The following PRDM16 variants were observed in gnomAD, a reference collection of about 807,000 sequenced individuals.
The protein encoded by PRDM16 is histone-lysine N-methyltransferase PRDM16.
A neutral mutation model predicts 110.6 loss-of-function variants in PRDM16; 23 were observed. The observed-to-expected ratio is 0.21, with a 90% CI of 0.15 to 0.29. PRDM16 has a LOEUF of 0.29. PRDM16 is among the 10% of genes least tolerant of loss of function. The probability of loss-of-function intolerance (pLI) is 1.00; values close to 1 mark genes in which losing one functional copy is unlikely to be tolerated. For synonymous variants in PRDM16, 799 were observed against 781.8 expected (o/e 1.02, Z -0.37); for missense variants, 1,615 against 1,794.3 (o/e 0.90, Z 1.81).
chr1:3,392,639 C>A (rs1384179391), intron 4 of PRDM16, among the ~76,000 whole-genome samples: 3 of 152,196 alleles, frequency 2.0e-5, no homozygotes, highest in African/African-American at 7.2e-5. Context: ...TAAAAACTTT[C>A]TTTAAAGACC....
intron 1 of PRDM16, among the ~76,000 whole-genome samples, chr1:3,181,092 ACACACGCAGTCT>A (rs2100780165): frequency 7.0e-6 from 1 of 142,706 alleles, no homozygotes; most frequent in Non-Finnish European, 1.5e-5. Context: ...ACACGGCCTT[ACACACGCAGTCT>A]TACACGCGGC....
intron 3 of PRDM16, among the ~76,000 whole-genome samples, chr1:3,327,887 C>T (rs963833495): frequency 6.6e-6 from 1 of 152,250 alleles, no homozygotes; most frequent in African/African-American, 2.4e-5. Context: ...ACCCCCATTC[C>T]ACAGATGGGG....
At chr1:3,286,625 AAGGGCCTG>A (rs1009102839) in intron 3 of PRDM16, among the ~76,000 whole-genome samples, 16 of 151,996 alleles carry the variant, frequency 1.1e-4, no homozygotes, top group African/African-American at 3.1e-4. Flanking sequence ...TGTCCTCCAT[AAGGGCCTG>A]AGGGCCTGGG....
intron 4 of PRDM16, among the ~76,000 whole-genome samples, chr1:3,391,232 T>C: frequency 6.6e-6 from 1 of 152,038 alleles, no homozygotes; most frequent in East Asian, 1.9e-4. Flanking sequence ...CCCCTTGAAA[T>C]GGGCGGGAGG....
chr1:3,290,262 G>A lies in PRDM16; in HGVS notation c.438+46125G>A, dbSNP rs1013983571. On this transcript the variant is annotated intron_variant, in intron 3 of 16. Coordinates refer to ENST00000270722, the MANE Select transcript of PRDM16 (RefSeq NM_022114.4). The surrounding 1 kb of genome is among the most constrained non-coding windows in gnomAD (Gnocchi z 4.8). Reference sequence around the variant, plus strand: ...GTAGACATGGGAAGGAAGGAGCGACGGGGTGGGAGGGATCTGCCTGCCAGC... The same window carrying A: ...GTAGACATGGGAAGGAAGGAGCGACAGGGTGGGAGGGATCTGCCTGCCAGC... Among the ~76,000 whole-genome samples, 1 of 152,194 alleles carries A rather than the reference G, an allele frequency of 6.6e-6. No homozygotes were observed. Among genetic ancestry groups the A allele is most frequent in the Non-Finnish European group, 1.5e-5 (1 of 68,028 alleles).
Position 3,147,258 on chromosome 1 carries a change from A to G in PRDM16, c.38-38867A>G, listed in dbSNP as rs1011714266. Among the ~76,000 whole-genome samples, 7 of 151,988 alleles carry G rather than the reference A, an allele frequency of 4.6e-5. No homozygotes were observed. The East Asian group carries it at 9.7e-4, about 21-fold the overall frequency. On this transcript the variant is annotated intron_variant, in intron 1 of 16. Transcript: ENST00000270722. ...GCATTCACTTCTAAGTTGGGGCGTG[A>G]GGAGGCATCATCAGTGCTGGATAAT...
intron 3 of PRDM16, among the ~76,000 whole-genome samples, chr1:3,286,708 A>G (rs952225045): frequency 5.3e-5 from 8 of 151,974 alleles, no homozygotes; most frequent in African/African-American, 1.9e-4. Context: ...AATTCTAGTC[A>G]CCATTTTCAT....
intron 1 of PRDM16, among the ~76,000 whole-genome samples, chr1:3,112,208 A>G (rs996129298): frequency 6.6e-6 from 1 of 152,224 alleles, no homozygotes; most frequent in African/African-American, 2.4e-5. Flanking sequence ...GCATCACTTA[A>G]AAGGATTAAA....
At chr1:3,074,606 G>C (rs1440642830) in intron 1 of PRDM16, among the ~76,000 whole-genome samples, 1 of 152,168 alleles carries the variant, frequency 6.6e-6, no homozygotes, top group Non-Finnish European at 1.5e-5. Flanking sequence ...TGCCCCTTCT[G>C]TGGGTGTTCT....
chr1:3,401,987 A>G (rs1643480561), intron 5 of PRDM16, among the ~76,000 whole-genome samples: 2 of 152,270 alleles, frequency 1.3e-5, no homozygotes, highest in Non-Finnish European at 2.9e-5. Context: ...GTGCATAGAC[A>G]TGCACACACA....
chr1:3,095,059 G>A (rs1197595597), intron 1 of PRDM16, among the ~76,000 whole-genome samples: 1 of 152,232 alleles, frequency 6.6e-6, no homozygotes, highest in Non-Finnish European at 1.5e-5. Context: ...GGGAGATGAT[G>A]AGCCAGGCTT....
At chr1:3,227,411 C>T (rs1277897817) in intron 2 of PRDM16, among the ~76,000 whole-genome samples, 1 of 152,278 alleles carries the variant, frequency 6.6e-6, no homozygotes, top group Admixed American at 6.5e-5. Context: ...CGGGCAAGCT[C>T]CTTGACCCCC....
Position 3,350,421 on chromosome 1 carries a change from G to A in PRDM16, c.439-34731G>A, listed in dbSNP as rs924191468. 6.6e-6 allele frequency among the ~76,000 whole-genome samples: 1 copy of A among 152,252 alleles called. No individual in the cohort carries two copies. Among genetic ancestry groups the A allele is most frequent in the East Asian group, 1.9e-4 (1 of 5,170 alleles). Reference sequence around the variant, plus strand: ...GAAGCCACCCCCTCTTTCCCTCCTGGGCTCTACTGCTCCGTCTGTGCAGCC... The same window carrying A: ...GAAGCCACCCCCTCTTTCCCTCCTGAGCTCTACTGCTCCGTCTGTGCAGCC... On this transcript the variant is annotated intron_variant, in intron 3 of 16. Transcript: ENST00000270722. The surrounding 1 kb of genome is among the most constrained non-coding windows in gnomAD (Gnocchi z 7.1).
intron 1 of PRDM16, among the ~76,000 whole-genome samples, chr1:3,132,371 G>T (rs920917525): frequency 2.0e-5 from 3 of 152,198 alleles, no homozygotes; most frequent in Non-Finnish European, 4.4e-5. Flanking sequence ...CAGGGGACCT[G>T]GGCCTGGTCA....
intron 1 of PRDM16, among the ~76,000 whole-genome samples, chr1:3,162,065 C>T (rs1643902604): frequency 6.6e-6 from 1 of 152,156 alleles, no homozygotes; most frequent in Non-Finnish European, 1.5e-5. Flanking sequence ...CCCCTAGACC[C>T]CAAGACCCCA....
chr1:3,434,177 A>G lies in PRDM16; in HGVS notation c.*366A>G. The stretch of plus-strand genomic sequence containing the variant: ...GTGCCCGCGTGGGGTCGCGGAAGGG[A>G]ATGGATAGACTGGTGTGCTCAAAAG... On this transcript the variant is annotated 3_prime_UTR_variant, in exon 17 of 17. Coordinates refer to ENST00000270722, the MANE Select transcript of PRDM16 (RefSeq NM_022114.4). The G allele has an allele frequency of 3.2e-6, 1 of 309,640 alleles. No individual in the cohort carries two copies. The highest frequency in any genetic ancestry group is 6.0e-6 in the Non-Finnish European group (1 of 166,182). The allele number at this position is 309,640 out of a possible 1,614,324, so 19.2% of individuals were successfully genotyped here.
intron 3 of PRDM16, among the ~76,000 whole-genome samples, chr1:3,278,372 C>G (rs1219021574): frequency 6.6e-6 from 1 of 152,250 alleles, no homozygotes; most frequent in Admixed American, 6.5e-5. Context: ...GGATGGCAAA[C>G]AGGGAGCTGA....
chr1:3,309,101 T>TA (rs533652400), intron 3 of PRDM16: 10 of 152,334 alleles, frequency 6.6e-5, no homozygotes, highest in African/African-American at 2.4e-4. Context: ...TCCTCACTCA[T>TA]TCCATCCCAG....
intron 2 of PRDM16, among the ~76,000 whole-genome samples, chr1:3,238,859 G>A (rs371851062): frequency 2.0e-5 from 3 of 152,256 alleles, no homozygotes; most frequent in East Asian, 1.9e-4. Context: ...GAGTGCGGGC[G>A]CTGCCCTGAG....
Sources: gnomAD v4.1 joint callset for allele counts (sites outside exome capture counted in the v4.1 genomes callset) on GRCh38, gnomAD v4.1.1 for gene constraint, Gnocchi (gnomAD v3.1) non-coding constraint, MANE v1.5 for transcripts, NCBI Gene and HGNC (gene_info 2026-07-23, HGNC 2026-07-21) for gene names.